Variants in RAD51B observed in about 807,000 individuals in gnomAD.
RAD51B encodes the protein RAD51 paralog B, also known as DNA repair protein RAD51 homolog 2.
RAD51B carries 38 observed loss-of-function variants against 42.2 expected under a neutral mutation model. The observed-to-expected ratio is 0.90, with a 90% CI of 0.70 to 1.18. The LOEUF is 1.18. Ranked by LOEUF, RAD51B falls within the 50% of genes most tolerant of loss-of-function variation. The pLI is 0.00. For missense variants in RAD51B, 373 were observed against 400.7 expected, an observed-to-expected ratio of 0.93 and a Z score of 0.59; for synonymous variants, 154 against 145.2, an observed-to-expected ratio of 1.06 and a Z score of -0.43.
intron 10 of RAD51B, among the ~76,000 whole-genome samples, chr14:68,514,694 G>A (rs1886007121): frequency 6.6e-6 from 1 of 152,150 alleles, no homozygotes; most frequent in Admixed American, 6.5e-5. Context: ...GGATTTGCCT[G>A]GGGCTGGAAG....
chr14:67,974,040 G>T (rs1273721523), intron 7 of RAD51B, among the ~76,000 whole-genome samples: 1 of 152,058 alleles, frequency 6.6e-6, no homozygotes, highest in Non-Finnish European at 1.5e-5. Context: ...GTCAAAATTT[G>T]AGATGATCTG....
chr14:67,916,165 C>G (rs1223623432), intron 7 of RAD51B, among the ~76,000 whole-genome samples: 5 of 152,206 alleles, frequency 3.3e-5, no homozygotes. Context: ...TCCAAGCTTG[C>G]TAGAAATTTC....
chr14:67,886,085 T>C, intron 6 of RAD51B, 97 bp downstream of exon 6: 2 of 1,075,876 alleles, frequency 1.9e-6, no homozygotes, highest in South Asian at 4.7e-5. Context: ...TCTTTATAGG[T>C]TAGAATTATG....
At chr14:68,133,009 G>A (rs1242338800) in intron 7 of RAD51B, among the ~76,000 whole-genome samples, 1 of 152,130 alleles carries the variant, frequency 6.6e-6, no homozygotes, top group African/African-American at 2.4e-5. Flanking sequence ...TTGGCTCTTA[G>A]GAGAACTATA....
chr14:68,677,824 C>T (rs1893343480), intron 11 of RAD51B, among the ~76,000 whole-genome samples: 1 of 152,128 alleles, frequency 6.6e-6, no homozygotes, highest in African/African-American at 2.4e-5. Flanking sequence ...CTGCTGTAGG[C>T]CTCTTTGCAG....
intron 7 of RAD51B, among the ~76,000 whole-genome samples, chr14:68,041,096 TAGTG>T (rs2076210163): frequency 6.6e-6 from 1 of 152,184 alleles, no homozygotes; most frequent in South Asian, 2.1e-4. Context: ...GTTCTTGTGA[TAGTG>T]AGTGAGTTCT....
chr14:67,933,092 C>T (rs1000080790), intron 7 of RAD51B, among the ~76,000 whole-genome samples: 1 of 152,194 alleles, frequency 6.6e-6, no homozygotes, highest in Non-Finnish European at 1.5e-5. Context: ...ACTGCTATGG[C>T]AATATGCAGA....
rs186067655 is a variant in RAD51B at position 67,826,460 on chromosome 14, C to A, written c.198+883C>A. Among the ~76,000 whole-genome samples the A allele has an allele frequency of 8.5e-4, 129 of 152,232 alleles. 1 individual carries two copies. The highest frequency in any genetic ancestry group is 3.1e-3 in the African/African-American group (128 of 41,534). ...TAGATTTGGAGCATGATAGAAATAT[C>A]TTGTTTTCTCACAGTAAGAGTTTCC... On this transcript the variant is annotated intron_variant, in intron 3 of 10. Coordinates refer to ENST00000471583, the MANE Select transcript of RAD51B (RefSeq NM_133510.4).
At chr14:68,540,431 T>G in intron 10 of RAD51B, 1 of 985,348 alleles carries the variant, frequency 1.0e-6, no homozygotes. Context: ...TTCAATTTGA[T>G]TCACTTGCCA....
Position 68,315,683 on chromosome 14 carries a change from G to A in RAD51B, c.853+23703G>A, listed in dbSNP as rs373260841. Among the ~76,000 whole-genome samples the A allele has an allele frequency of 4.6e-5, 7 of 151,980 alleles. No homozygotes were observed. In the South Asian group the frequency reaches 6.3e-4, roughly 14 times the overall value. ...ACTACAGGTGCCCGCCACCACGCCC[G>A]GCTAATTTTTTTGTATTTTTAGTAG... On this transcript the variant is annotated intron_variant, in intron 8 of 10. Transcript: ENST00000471583.
chr14:68,661,614 A>T (rs996267005), intron 11 of RAD51B, among the ~76,000 whole-genome samples: 1 of 152,220 alleles, frequency 6.6e-6, no homozygotes, highest in Non-Finnish European at 1.5e-5. Context: ...GCACTCCATC[A>T]TGGGTTGGTA....
At chr14:67,969,073 A>G (rs1301635222) in intron 7 of RAD51B, among the ~76,000 whole-genome samples, 2 of 152,186 alleles carry the variant, frequency 1.3e-5, no homozygotes, top group East Asian at 1.9e-4. Context: ...ATCAGATCTC[A>G]TGAGACTTAT....
In RAD51B at chr14:68,079,258, G is replaced by A. The variant is rs567463348; in HGVS notation, c.756+192054G>A. On this transcript the variant is annotated intron_variant, in intron 7 of 10. Coordinates refer to ENST00000471583, the MANE Select transcript of RAD51B (RefSeq NM_133510.4). ...CAGGAAAGGAGCATTTAAGTCATAT[G>A]TTCAATCAAAACTTCTGCAGGTAAA... Among the ~76,000 whole-genome samples the A allele has an allele frequency of 7.2e-5, 11 of 152,210 alleles. No homozygotes were observed. The East Asian group carries it at 1.9e-3, about 27-fold the overall frequency.
chr14:68,632,824 G>A (rs1002434676), intron 10 of RAD51B, among the ~76,000 whole-genome samples: 1 of 152,068 alleles, frequency 6.6e-6, no homozygotes, highest in South Asian at 2.1e-4. Context: ...TGCCCAGGCT[G>A]GAGTGCAGTG....
chr14:68,575,787 C>G (rs927493969), intron 10 of RAD51B, among the ~76,000 whole-genome samples: 1 of 152,188 alleles, frequency 6.6e-6, no homozygotes, highest in Non-Finnish European at 1.5e-5. Context: ...TGTCAGAAAG[C>G]CTCATACTTA....
chr14:68,144,956 CTT>C (rs1440305982), intron 7 of RAD51B, among the ~76,000 whole-genome samples: 1 of 152,094 alleles, frequency 6.6e-6, no homozygotes, highest in African/African-American at 2.4e-5. Flanking sequence ...TTTCCTCAAT[CTT>C]TGACTTGCTT....
chr14:68,683,040 C>A (rs569069180), intron 11 of RAD51B: 1 of 790,234 alleles, frequency 1.3e-6, no homozygotes, highest in Non-Finnish European at 1.5e-6. Flanking sequence ...GTTGAGTAAT[C>A]GCCCAAAATA....
chr14:68,111,229 G>T lies in RAD51B; in HGVS notation c.757-180655G>T, dbSNP rs35444306. Among the ~76,000 whole-genome samples, 1,250 of 151,824 alleles carry T rather than the reference G, an allele frequency of 8.2e-3. 17 individuals are homozygous for T. The highest frequency in any genetic ancestry group is 0.029 in the African/African-American group (1,189 of 41,394). ...TTTATTATTAAATTCTTTTATTGTCGCCAGGAAACTAGAGAAAATGAATTC... is the reference window on the plus strand; with the variant it reads ...TTTATTATTAAATTCTTTTATTGTCTCCAGGAAACTAGAGAAAATGAATTC... On this transcript the variant is annotated intron_variant, in intron 7 of 10. Transcript: ENST00000471583.
intron 9 of RAD51B, among the ~76,000 whole-genome samples, chr14:68,427,840 A>T (rs777572564): frequency 6.6e-6 from 1 of 152,156 alleles, no homozygotes; most frequent in African/African-American, 2.4e-5. Context: ...CCAGAATGCT[A>T]TGGTTTGAAC....
Sources: gnomAD v4.1 joint callset for allele counts (sites outside exome capture counted in the v4.1 genomes callset) on GRCh38, gnomAD v4.1.1 for gene constraint, MANE v1.5 for transcripts, NCBI Gene and HGNC (gene_info 2026-07-23, HGNC 2026-07-21) for gene names.